Variants in ANO9 observed in about 807,000 individuals in gnomAD.
ANO9 encodes the protein anoctamin-9.
Under a neutral mutation model 100.5 loss-of-function variants are expected in ANO9, and 80 were observed. That is an observed-to-expected ratio of 0.80 (90% CI 0.66 to 0.96). ANO9 has a LOEUF of 0.96. Among genes scored for constraint, ANO9 ranks in the 40% least tolerant of loss-of-function variants. The pLI is 0.00. For missense variants in ANO9, 1,064 were observed against 1,072.7 expected, an observed-to-expected ratio of 0.99 and a Z score of 0.11; for synonymous variants, 473 against 435.6, an observed-to-expected ratio of 1.09 and a Z score of -1.07.
At chr11:430,731 G>A (rs2133699018) in intron 7 of ANO9, among the ~76,000 whole-genome samples, 1 of 115,734 alleles carries the variant, frequency 8.6e-6, no homozygotes, top group South Asian at 3.5e-4. Context: ...CAGTGTGGGA[G>A]CATCTTCTGG....
chr11:419,071 T>C (rs1449372298), intron 20 of ANO9, 82 bp from the exon 21 acceptor site: 12 of 1,594,368 alleles, frequency 7.5e-6, no homozygotes, highest in South Asian at 6.7e-5. Flanking sequence ...CTAGCCTGCG[T>C]TGTGGAGCAA....
At chr11:426,577 A>G (rs1045843768) in intron 15 of ANO9, among the ~76,000 whole-genome samples, 1 of 152,180 alleles carries the variant, frequency 6.6e-6, no homozygotes, top group African/African-American at 2.4e-5. Context: ...TGTCTCTAAA[A>G]GTAAATAAAT....
intron 15 of ANO9, among the ~76,000 whole-genome samples, chr11:423,166 T>G (rs1461112364): frequency 6.6e-6 from 1 of 152,160 alleles, no homozygotes; most frequent in Non-Finnish European, 1.5e-5. Flanking sequence ...AAAATGATTC[T>G]GACATTCATC....
Position 420,594 on chromosome 11 carries a change from G to C in ANO9, c.1655C>G (p.Thr552Ser), listed in dbSNP as rs1024860653. ...CAGCGGGAAGGCGGCCACGAAGATG[G>C]TGGTGAAGCCGTACTGGATCACTGC... is the stretch of plus-strand genomic sequence containing the variant. ...MEMMIQYGFTTIFVAAFPLAP... is the reference protein window; with the variant it reads ...MEMMIQYGFTSIFVAAFPLAP... The change falls in exon 19 of 23, where the codon ACC (threonine) becomes AGC (serine). Residue 552 changes from threonine to serine, a missense_variant. Transcript: ENST00000332826. 1 of 1,605,074 alleles carries C rather than the reference G, an allele frequency of 6.2e-7. No individual in the cohort carries two copies.
chr11:429,516 C>T (rs1241853786), intron 11 of ANO9, 54 bp downstream of exon 11: 31 of 1,600,676 alleles, frequency 1.9e-5, no homozygotes, highest in African/African-American at 2.7e-5. Context: ...GGGCATCGGG[C>T]GCCAACAGCC....
intron 15 of ANO9, among the ~76,000 whole-genome samples, chr11:425,646 AG>A (rs145479368): frequency 0.012 from 1,753 of 151,830 alleles, 37 homozygotes; most frequent in African/African-American, 0.041. Flanking sequence ...GTCAATTCAT[AG>A]GAAAAAAAAT....
At chr11:437,059 T>TGCGCG (rs1564936314) in intron 1 of ANO9, among the ~76,000 whole-genome samples, 21 of 64,364 alleles carry the variant, frequency 3.3e-4, no homozygotes, top group East Asian at 8.5e-4. Context: ...GGGGGTGAGC[T>TGCGCG]GGGGGTGAAT....
chr11:433,933 T>C lies in ANO9; in HGVS notation c.86A>G (p.Glu29Gly). The change falls in exon 3 of 23, where the codon GAG (glutamate) becomes GGG (glycine). Residue 29 changes from glutamate to glycine, a missense_variant. Coordinates refer to ENST00000332826, the MANE Select transcript of ANO9 (RefSeq NM_001012302.3). Reference protein sequence around the residue: ...PLMEISTCETEASEQWDYVLV... With the variant: ...PLMEISTCETGASEQWDYVLV... ...GACATAGTCCCACTGCTCGGAGGCC[T>C]CGGTCTGCAGGGAGGAGGCATGGGG... 3 of 1,561,134 alleles carry C rather than the reference T, an allele frequency of 1.9e-6. No homozygotes were observed. The South Asian group carries it at 3.5e-5, about 18-fold the overall frequency.
At chr11:435,069 C>T (rs1002365219) in intron 1 of ANO9, among the ~76,000 whole-genome samples, 1 of 152,108 alleles carries the variant, frequency 6.6e-6, no homozygotes, top group African/African-American at 2.4e-5. Context: ...AGATAAACAG[C>T]AGAAGGATAT....
chr11:428,374 C>T lies in ANO9; in HGVS notation c.1206G>A (p.Leu402=). ...IMTKINRCVA[L]KLCDFEMPRT... ...TCCTCTCACCGAAGTCACAAAGCTT[C>T]AGGGCCACGCACCTGTTGATCTGCG... The change falls in exon 14 of 23, where the codon CTG becomes CTA. Residue 402 remains leucine (L), a synonymous_variant. Transcript: ENST00000332826. The T allele has an allele frequency of 1.2e-6, 2 of 1,612,648 alleles. No homozygotes were observed. The highest frequency in any genetic ancestry group is 1.7e-6 in the Non-Finnish European group (2 of 1,179,946).
At chr11:428,228 C>T in intron 14 of ANO9, 29 bp from the exon 15 acceptor site, 1 of 1,610,082 alleles carries the variant, frequency 6.2e-7, no homozygotes, top group Non-Finnish European at 8.5e-7. Flanking sequence ...TCACCTCTCT[C>T]CCTGCTCATA....
At chr11:429,935 C>T (rs1040788455) in intron 9 of ANO9, 117 bp from the exon 10 acceptor site, 21 of 58,542 alleles carry the variant, frequency 3.6e-4, no homozygotes, top group Middle Eastern at 8.6e-3. Context: ...AGGAAATGGG[C>T]GGGTGGGCTG....
intron 11 of ANO9, 22 bp from the exon 12 acceptor site, chr11:428,848 C>G: frequency 6.2e-7 from 1 of 1,609,596 alleles, no homozygotes; most frequent in South Asian, 1.1e-5. Flanking sequence ...ACCGGGCAAG[C>G]CTCAGACAAG....
Position 420,822 on chromosome 11 carries a change from T to A in ANO9, c.1529A>T (p.Glu510Val). 1.3e-6 allele frequency: 2 copies of A among 1,592,486 alleles called. No homozygotes were observed. Among genetic ancestry groups the A allele is most frequent in the Non-Finnish European group, 1.7e-6 (2 of 1,173,228 alleles). The change falls in exon 18 of 23, where the codon GAG (glutamate) becomes GTG (valine). Residue 510 changes from glutamate to valine, a missense_variant. Transcript: ENST00000332826. Reference protein sequence around the residue: ...THKCRSLRASESGHLPRDPEL... With the variant: ...THKCRSLRASVSGHLPRDPEL... ...GGGGTCCCGGGGCAGGTGCCCGGAC[T>A]CGGAGGCCCGCAGAGAGCGGCACTT... is the stretch of plus-strand genomic sequence containing the variant.
Position 419,890 on chromosome 11 carries a change from C to G in ANO9, c.1787-161G>C. ...TTCACAAGGAAGTCCCCAGCCATGG[C>G]AGAGCATGGCCTCTGCGCTCCTGCA... On this transcript the variant is annotated intron_variant, in intron 19 of 22. Coordinates refer to ENST00000332826, the MANE Select transcript of ANO9 (RefSeq NM_001012302.3). 7.6e-6 allele frequency: 11 copies of G among 1,442,320 alleles called. No homozygotes were observed. In the South Asian group the frequency reaches 1.0e-4, roughly 13 times the overall value. The allele number at this position is 1,442,320 out of a possible 1,614,324, so 89.3% of individuals were successfully genotyped here.
Position 432,233 on chromosome 11 carries a change from C to T in ANO9, c.351-179G>A, listed in dbSNP as rs1849071905. 5 of 642,570 alleles carry T rather than the reference C, an allele frequency of 7.8e-6. No homozygotes were observed. The highest frequency in any genetic ancestry group is 2.7e-6 in the Non-Finnish European group (1 of 376,288). The allele number at this position is 642,570 out of a possible 1,614,324, so 39.8% of individuals were successfully genotyped here. A position where few individuals can be genotyped will look rare whatever the true frequency, so the allele number is the denominator to read the frequency against. ...CACCCGGGAGCCCACCCCGCACCCTCCTTAAAGTGCTCCCAGGGCCTGGCC... is the reference window on the plus strand; with the variant it reads ...CACCCGGGAGCCCACCCCGCACCCTTCTTAAAGTGCTCCCAGGGCCTGGCC... On this transcript the variant is annotated intron_variant, in intron 4 of 22. Coordinates refer to ENST00000332826, the MANE Select transcript of ANO9 (RefSeq NM_001012302.3). The surrounding 1 kb of genome is among the most constrained non-coding windows in gnomAD (Gnocchi z 4.8).
chr11:430,365 C>T lies in ANO9; in HGVS notation c.578G>A (p.Trp193Ter), dbSNP rs764606613. 2 of 1,606,922 alleles carry T rather than the reference C, an allele frequency of 1.2e-6. No homozygotes were observed. The highest frequency in any genetic ancestry group is 1.1e-5 in the South Asian group (1 of 90,688). Residue 193 changes from tryptophan to a stop codon, truncating the protein, a stop_gained, in exon 8 of 23, where the codon TGG (tryptophan) becomes TAG (stop). Transcript: ENST00000332826. LOFTEE classifies it high-confidence loss of function. ...CAGCATGTAGGTGTACCAGCCCAGC[C>T]AGACGAAGTACAGGGCCACCTTTTC... Reference protein sequence around the residue: ...FGEKVALYFVWLGWYTYMLVP... With the variant: ...FGEKVALYFV
intron 7 of ANO9, among the ~76,000 whole-genome samples, chr11:431,330 T>G (rs1194779476): frequency 3.1e-4 from 14 of 45,018 alleles, no homozygotes; most frequent in Admixed American, 9.6e-4. Flanking sequence ...TGCGGGGGTG[T>G]GGGGGCTCCC....
chr11:427,516 G>C (rs557859783), intron 15 of ANO9, among the ~76,000 whole-genome samples: 8 of 151,858 alleles, frequency 5.3e-5, no homozygotes, highest in Admixed American at 2.0e-4. Context: ...AGGATCGCTC[G>C]AGCCCAGGAA....
Sources: allele counts gnomAD v4.1 joint callset (sites outside exome capture counted in the v4.1 genomes callset), GRCh38; gene constraint gnomAD v4.1.1; non-coding constraint Gnocchi (gnomAD v3.1); transcripts MANE v1.5; gene names NCBI Gene and HGNC (gene_info 2026-07-23, HGNC 2026-07-21).